Variants in ATP9B observed in about 807,000 individuals in gnomAD.
ATP9B encodes the protein probable phospholipid-transporting ATPase IIB.
Under a neutral mutation model 146.1 loss-of-function variants are expected in ATP9B, and 110 were observed. That is an observed-to-expected ratio of 0.75 (90% CI 0.65 to 0.88). The LOEUF is 0.88. ATP9B is among the 40% of genes least tolerant of loss of function. ATP9B has a pLI of 0.00. For missense variants in ATP9B, 1,499 were observed against 1,496.4 expected (o/e 1.00, Z -0.03); for synonymous variants, 604 against 569.7 (o/e 1.06, Z -0.86).
chr18:79,121,035 C>T (rs947140651), intron 4 of ATP9B, among the ~76,000 whole-genome samples: 35 of 152,088 alleles, frequency 2.3e-4, no homozygotes, highest in African/African-American at 7.7e-4. Context: ...TGTCTCAATT[C>T]CCTTATCTGT....
At chr18:79,299,650 T>C (rs949683127) in intron 13 of ATP9B, among the ~76,000 whole-genome samples, 6 of 152,256 alleles carry the variant, frequency 3.9e-5, no homozygotes, top group South Asian at 2.1e-4. Flanking sequence ...CATTGTCTTA[T>C]TCATTTTTAT....
intron 8 of ATP9B, among the ~76,000 whole-genome samples, chr18:79,181,822 A>G (rs766292998): frequency 2.6e-5 from 4 of 152,014 alleles, no homozygotes; most frequent in Admixed American, 6.5e-5. Flanking sequence ...TCATTGGACT[A>G]TTTCAACGGT....
chr18:79,073,609 C>G (rs376082464), intron 1 of ATP9B, among the ~76,000 whole-genome samples: 2 of 151,958 alleles, frequency 1.3e-5, no homozygotes, highest in Non-Finnish European at 2.9e-5. Context: ...AGAGGGAGAC[C>G]GTGGAAAGCG....
chr18:79,333,793 C>T (rs1250629131), intron 17 of ATP9B, among the ~76,000 whole-genome samples: 1 of 152,152 alleles, frequency 6.6e-6, no homozygotes, highest in Non-Finnish European at 1.5e-5. Context: ...GGAGTGTCCA[C>T]CTGAGCTACA....
intron 26 of ATP9B, among the ~76,000 whole-genome samples, chr18:79,364,644 TG>T (rs1266960478): frequency 6.6e-6 from 1 of 151,450 alleles, no homozygotes; most frequent in Non-Finnish European, 1.5e-5. Context: ...TGCATGACCT[TG>T]GGTTAAGCAA....
At position 79,104,925 on chromosome 18, in the gene ATP9B, T is replaced by A. The variant is rs193133681; in HGVS notation, c.294-5430T>A. ...CACCCGGCTAATTTTTTTATTTTTATAGAGGCAGGGTCTTTCTATGTTGTC... is the reference window on the plus strand; with the variant it reads ...CACCCGGCTAATTTTTTTATTTTTAAAGAGGCAGGGTCTTTCTATGTTGTC... On this transcript the variant is annotated intron_variant, in intron 2 of 29. Transcript: ENST00000426216. Among the ~76,000 whole-genome samples, 997 of 152,170 alleles carry A rather than the reference T, an allele frequency of 6.6e-3. 8 individuals are homozygous for A. The highest frequency in any genetic ancestry group is 0.023 in the African/African-American group (953 of 41,518).
intron 11 of ATP9B, among the ~76,000 whole-genome samples, chr18:79,216,014 T>C (rs767146888): frequency 2.0e-5 from 3 of 152,246 alleles, no homozygotes; most frequent in East Asian, 1.9e-4. Flanking sequence ...TTCTAATGTA[T>C]GTACAGTTCT....
chr18:79,198,349 T>C (rs1213758137), intron 9 of ATP9B, among the ~76,000 whole-genome samples: 1 of 152,194 alleles, frequency 6.6e-6, no homozygotes, highest in East Asian at 1.9e-4. Context: ...TAATCAAAGC[T>C]GGAGTTACTT....
At chr18:79,152,108 T>G (rs1258648830) in intron 6 of ATP9B, among the ~76,000 whole-genome samples, 1 of 152,064 alleles carries the variant, frequency 6.6e-6, no homozygotes, top group Non-Finnish European at 1.5e-5. Context: ...GAAAAGCAAA[T>G]TAAAACCACA....
intron 15 of ATP9B, among the ~76,000 whole-genome samples, chr18:79,312,122 A>AG (rs1251077264): frequency 3.3e-5 from 5 of 152,204 alleles, no homozygotes; most frequent in South Asian, 2.1e-4. Flanking sequence ...GTGCCTTCAC[A>AG]AAGGTGCCTT....
In ATP9B at chr18:79,154,632, A is replaced by G; in HGVS notation, c.778+77A>G. 5.1e-6 allele frequency: 5 copies of G among 974,810 alleles called. No individual in the cohort carries two copies. The South Asian group carries it at 1.1e-4, about 21-fold the overall frequency. The allele number at this position is 974,810 out of a possible 1,614,324, so 60.4% of individuals were successfully genotyped here. A position where few individuals can be genotyped will look rare whatever the true frequency, so the allele number is the denominator to read the frequency against. On this transcript the variant is annotated intron_variant, in intron 7 of 29. Coordinates refer to ENST00000426216, the MANE Select transcript of ATP9B (RefSeq NM_198531.5). ...AATTTACAAATATCTATACAAGGAA[A>G]AACTGTTTTCCTTACATTTTTAGTA...
chr18:79,193,160 G>A (rs373368909), intron 8 of ATP9B, 23 bp from the exon 9 acceptor site: 111 of 1,520,956 alleles, frequency 7.3e-5, no homozygotes, highest in Non-Finnish European at 9.5e-5. Flanking sequence ...CATTCTAATC[G>A]ATTCAAATGT....
At chr18:79,073,828 T>C (rs1382648913) in intron 1 of ATP9B, among the ~76,000 whole-genome samples, 1 of 152,244 alleles carries the variant, frequency 6.6e-6, no homozygotes, top group East Asian at 1.9e-4. Flanking sequence ...TGTGGAAGCA[T>C]TTTTATGTCT....
chr18:79,373,596 T>G (rs982482311), intron 27 of ATP9B, among the ~76,000 whole-genome samples: 1 of 151,858 alleles, frequency 6.6e-6, no homozygotes, highest in African/African-American at 2.4e-5. Context: ...TTCAAATGAT[T>G]CTTCTGCCTC....
intron 22 of ATP9B, 44 bp from the exon 23 acceptor site, chr18:79,345,731 T>C: frequency 1.2e-6 from 2 of 1,611,402 alleles, no homozygotes; most frequent in Non-Finnish European, 1.7e-6. Flanking sequence ...AAAAACGTGA[T>C]GATGGATAAG....
chr18:79,369,381 A>C (rs532457528), intron 26 of ATP9B, among the ~76,000 whole-genome samples: 1 of 152,212 alleles, frequency 6.6e-6, no homozygotes, highest in South Asian at 2.1e-4. Flanking sequence ...AAATACAAAA[A>C]AATTAGCTGG....
chr18:79,348,001 G>A, intron 24 of ATP9B, 76 bp downstream of exon 24: 2 of 1,605,134 alleles, frequency 1.2e-6, no homozygotes, highest in Non-Finnish European at 8.5e-7. Context: ...GCAGGGTCCG[G>A]GAGTGGGGGT....
chr18:79,277,292 T>G, intron 13 of ATP9B, 96 bp downstream of exon 13: 2 of 1,430,536 alleles, frequency 1.4e-6, no homozygotes, highest in Non-Finnish European at 1.9e-6. Context: ...TGTATGTATA[T>G]ATGTGTATGT....
At chr18:79,304,197 C>T (rs2096608614) in intron 14 of ATP9B, among the ~76,000 whole-genome samples, 1 of 152,048 alleles carries the variant, frequency 6.6e-6, no homozygotes, top group Non-Finnish European at 1.5e-5. Flanking sequence ...GATGTTTCAT[C>T]TGTAGGTGTT....
Sources: allele counts gnomAD v4.1 joint callset (sites outside exome capture counted in the v4.1 genomes callset), GRCh38; gene constraint gnomAD v4.1.1; transcripts MANE v1.5; gene names NCBI Gene and HGNC (gene_info 2026-07-23, HGNC 2026-07-21).